ZNF385D: variants seen among roughly 807,000 people sequenced by gnomAD.
ZNF385D encodes zinc finger protein 659.
In ZNF385D, 15 loss-of-function variants were observed where a neutral mutation model predicts 35.8. The ratio of observed to expected loss-of-function variants is 0.42; its 90% confidence interval spans 0.28 to 0.64. ZNF385D has a LOEUF of 0.64. Among genes scored for constraint, ZNF385D ranks in the 30% least tolerant of loss-of-function variants. The pLI, the probability that ZNF385D is intolerant of heterozygous loss-of-function variation, is 0.23. For synonymous variants in ZNF385D, 212 were observed against 186.8 expected (o/e 1.13, Z -1.10); for missense variants, 474 against 494.6 (o/e 0.96, Z 0.39).
At chr3:21,865,368 A>G (rs772067898) in intron 3 of ZNF385D, among the ~76,000 whole-genome samples, 3 of 150,828 alleles carry the variant, frequency 2.0e-5, no homozygotes, top group African/African-American at 7.3e-5. Context: ...CTTTTGCATC[A>G]TTCGTGAAAG....
At chr3:22,178,983 A>T (rs186531525) in intron 2 of ZNF385D, among the ~76,000 whole-genome samples, 17 of 151,800 alleles carry the variant, frequency 1.1e-4, no homozygotes, top group South Asian at 4.2e-4. Context: ...TTTTGGTTAC[A>T]GTAGCCTTGT....
chr3:22,281,444 A>G (rs781316578), intron 2 of ZNF385D, among the ~76,000 whole-genome samples: 4 of 152,070 alleles, frequency 2.6e-5, no homozygotes, highest in Non-Finnish European at 5.9e-5. Context: ...TTTAATCACA[A>G]AGGGATGCTG....
At chr3:21,929,119 T>C (rs896239946) in intron 3 of ZNF385D, among the ~76,000 whole-genome samples, 1 of 152,114 alleles carries the variant, frequency 6.6e-6, no homozygotes, top group African/African-American at 2.4e-5. Flanking sequence ...TAAATAGGAT[T>C]ATATATCATA....
At chr3:22,125,890 C>T (rs556704850) in intron 3 of ZNF385D, among the ~76,000 whole-genome samples, 1 of 152,178 alleles carries the variant, frequency 6.6e-6, no homozygotes, top group South Asian at 2.1e-4. Flanking sequence ...TCGTTTACAA[C>T]CTGGATGTCT....
At chr3:21,927,172 T>C (rs1383468695) in intron 3 of ZNF385D, among the ~76,000 whole-genome samples, 1 of 152,098 alleles carries the variant, frequency 6.6e-6, no homozygotes, top group Non-Finnish European at 1.5e-5. Context: ...GTTTCCTTTC[T>C]CCTTTAGCCA....
At chr3:21,607,176 T>C (rs1040189385) in intron 2 of ZNF385D, among the ~76,000 whole-genome samples, 1 of 152,128 alleles carries the variant, frequency 6.6e-6, no homozygotes, top group Non-Finnish European at 1.5e-5. Context: ...CAAATATATA[T>C]AGATACACAT....
chr3:21,764,737 C>T (rs751267588), intron 3 of ZNF385D, among the ~76,000 whole-genome samples: 7 of 152,074 alleles, frequency 4.6e-5, no homozygotes, highest in African/African-American at 1.7e-4. Context: ...ATGGAGTCAG[C>T]ATGCTGTGTG....
chr3:21,684,982 A>C (rs2067058247), intron 1 of ZNF385D, among the ~76,000 whole-genome samples: 1 of 152,198 alleles, frequency 6.6e-6, no homozygotes, highest in Admixed American at 6.5e-5. Flanking sequence ...CTAATGCTTT[A>C]GAGCAGTTAG....
chr3:21,818,176 C>A (rs574892290), intron 3 of ZNF385D, among the ~76,000 whole-genome samples: 4 of 134,692 alleles, frequency 3.0e-5, no homozygotes, highest in Non-Finnish European at 6.3e-5. Context: ...GGGGGCCTGT[C>A]GTGATGGGGG....
At chr3:22,368,338 T>A (rs559038779) in intron 2 of ZNF385D, among the ~76,000 whole-genome samples, 2 of 152,330 alleles carry the variant, frequency 1.3e-5, no homozygotes, top group Admixed American at 6.5e-5. Context: ...TATCTGAATA[T>A]GATTGAAACC....
At chr3:22,188,908 T>C (rs1695830627) in intron 2 of ZNF385D, among the ~76,000 whole-genome samples, 4 of 152,052 alleles carry the variant, frequency 2.6e-5, no homozygotes, top group African/African-American at 9.7e-5. Context: ...GACAAGTAAA[T>C]AAAAATAAAT....
At chr3:21,602,401 A>G (rs900196640) in intron 2 of ZNF385D, among the ~76,000 whole-genome samples, 3 of 152,084 alleles carry the variant, frequency 2.0e-5, no homozygotes, top group East Asian at 1.9e-4. Context: ...TAATAAATGA[A>G]TGGGCACATA....
At chr3:22,279,423 G>A (rs1198146222) in intron 2 of ZNF385D, among the ~76,000 whole-genome samples, 2 of 151,024 alleles carry the variant, frequency 1.3e-5, no homozygotes, top group Non-Finnish European at 2.9e-5. Context: ...CCAGGTTACT[G>A]CAAATGCTAT....
At chr3:21,784,146 A>G (rs1268767194) in intron 3 of ZNF385D, among the ~76,000 whole-genome samples, 1 of 152,204 alleles carries the variant, frequency 6.6e-6, no homozygotes, top group Admixed American at 6.5e-5. Flanking sequence ...TTACTGGAAG[A>G]GAAGTCTGCC....
chr3:22,163,377 A>T (rs147421583), intron 3 of ZNF385D, among the ~76,000 whole-genome samples: 114 of 152,332 alleles, frequency 7.5e-4, no homozygotes, highest in Middle Eastern at 3.4e-3. Flanking sequence ...CTGCAGGAAC[A>T]ATAGCCCCCT....
At chr3:21,861,861 T>G (rs530055020) in intron 3 of ZNF385D, among the ~76,000 whole-genome samples, 3 of 152,050 alleles carry the variant, frequency 2.0e-5, no homozygotes, top group African/African-American at 7.2e-5. Context: ...CCTTGAGACT[T>G]TGACACACAC....
chr3:21,716,201 G>C (rs2068312052), intron 1 of ZNF385D, among the ~76,000 whole-genome samples: 1 of 151,962 alleles, frequency 6.6e-6, no homozygotes, highest in South Asian at 2.1e-4. Flanking sequence ...TAGCTTTGTA[G>C]CTAGTTTCCT....
intron 3 of ZNF385D, among the ~76,000 whole-genome samples, chr3:22,045,731 T>G (rs1464853394): frequency 6.6e-6 from 1 of 152,034 alleles, no homozygotes; most frequent in African/African-American, 2.4e-5. Flanking sequence ...CTTCTATTTT[T>G]TTTTGTATTT....
At chr3:22,312,398 G>T (rs1179079153) in intron 2 of ZNF385D, among the ~76,000 whole-genome samples, 1 of 152,094 alleles carries the variant, frequency 6.6e-6, no homozygotes, top group Non-Finnish European at 1.5e-5. Flanking sequence ...CTAAGATGTA[G>T]ATATAACATT....
Sources: gnomAD v4.1 joint callset for allele counts (sites outside exome capture counted in the v4.1 genomes callset) on GRCh38, gnomAD v4.1.1 for gene constraint, MANE v1.5 for transcripts, NCBI Gene and HGNC (gene_info 2026-07-23, HGNC 2026-07-21) for gene names.